The following NAV2 variants were observed in gnomAD, a reference collection of about 807,000 sequenced individuals.
The protein encoded by NAV2 is neuron navigator 2, also known as helicase, APC down-regulated 1.
In NAV2, 54 loss-of-function variants were observed where a neutral mutation model predicts 223.2. That is an observed-to-expected ratio of 0.24 (90% CI 0.19 to 0.30). The LOEUF (loss-of-function observed/expected upper bound fraction) is 0.30, where lower values mean the gene tolerates loss of function less well. NAV2 is among the 10% of genes least tolerant of loss of function. The pLI is 1.00. For synonymous variants in NAV2, 1,279 were observed against 1,239.3 expected (o/e 1.03, Z -0.67); for missense variants, 2,806 against 3,147.5 (o/e 0.89, Z 2.60).
intron 20 of NAV2, 99 bp downstream of exon 20, chr11:20,062,458 G>A (rs539902175): frequency 1.4e-5 from 13 of 902,586 alleles, no homozygotes; most frequent in Middle Eastern, 2.2e-4. Context: ...CCTAGGGAAA[G>A]CATTTCCATT....
At chr11:19,741,685 G>GTATATA (rs751946530) in intron 1 of NAV2, among the ~76,000 whole-genome samples, 2 of 131,852 alleles carry the variant, frequency 1.5e-5, no homozygotes, top group African/African-American at 6.3e-5. Flanking sequence ...ATGTGTGTGT[G>GTATATA]TGTATATATA....
At chr11:19,714,506 C>T (rs2050123666) in intron 1 of NAV2, 1 of 454,008 alleles carries the variant, frequency 2.2e-6, no homozygotes, top group Non-Finnish European at 4.4e-6. Context: ...CCCCATCCTG[C>T]GGGGTGACGG....
chr11:19,964,717 T>G (rs2048616282), intron 10 of NAV2, among the ~76,000 whole-genome samples: 1 of 151,444 alleles, frequency 6.6e-6, no homozygotes, highest in African/African-American at 2.4e-5. Context: ...TCCAGGCTGG[T>G]CTCAAACTCC....
intron 1 of NAV2, among the ~76,000 whole-genome samples, chr11:19,470,736 G>A (rs975799482): frequency 5.3e-5 from 8 of 152,184 alleles, no homozygotes; most frequent in African/African-American, 1.9e-4. Context: ...ATGGGGACTG[G>A]CAAAAGCAAT....
Position 19,832,733 on chromosome 11 carries a change from T to C in NAV2, c.385+132T>C. On this transcript the variant is annotated intron_variant, in intron 2 of 37. Transcript: ENST00000349880. ...TCTCATGTCTTGACAATTTATTTGA[T>C]TTGTGTTTTGACTAAGTTGTGTGAG... The C allele has an allele frequency of 4.0e-6, 3 of 747,342 alleles. No homozygotes were observed. In the East Asian group the frequency reaches 7.4e-5, roughly 18 times the overall value. The allele number at this position is 747,342 out of a possible 1,614,324, so 46.3% of individuals were successfully genotyped here.
At chr11:20,016,998 T>C (rs1204275578) in intron 11 of NAV2, among the ~76,000 whole-genome samples, 1 of 148,424 alleles carries the variant, frequency 6.7e-6, no homozygotes, top group African/African-American at 2.5e-5. Context: ...AGAGCAAGAC[T>C]CTGTCTCCAA....
At chr11:19,345,268 G>A in the NAV2 span, among the ~76,000 whole-genome samples, 1 of 152,254 alleles carries the variant, frequency 6.6e-6, no homozygotes, top group Admixed American at 6.5e-5. The surrounding 1 kb of genome is among the most constrained non-coding windows in gnomAD (Gnocchi z 5.2). Context: ...TGCAGTGCGA[G>A]ACCGGCTGGA....
intron 1 of NAV2, among the ~76,000 whole-genome samples, chr11:19,589,299 T>C (rs1205454980): frequency 2.0e-5 from 3 of 152,072 alleles, no homozygotes; most frequent in Non-Finnish European, 4.4e-5. Flanking sequence ...CAGAGGCAGA[T>C]TGTAGGAGCT....
chr11:19,360,182 T>G (rs1853851928), intron 1 of NAV2, among the ~76,000 whole-genome samples: 2 of 152,190 alleles, frequency 1.3e-5, no homozygotes, highest in Non-Finnish European at 2.9e-5. Context: ...GCCAGCCTGG[T>G]CTTAGCAAGA....
At chr11:19,785,646 G>A (rs1208472530) in intron 1 of NAV2, among the ~76,000 whole-genome samples, 1 of 129,152 alleles carries the variant, frequency 7.7e-6, no homozygotes, top group Admixed American at 7.4e-5. Flanking sequence ...GCGTCAGCTG[G>A]CTTTTTTTTT....
intron 3 of NAV2, among the ~76,000 whole-genome samples, chr11:19,844,436 C>T (rs1033782308): frequency 6.6e-6 from 1 of 152,192 alleles, no homozygotes. Flanking sequence ...TTAGAGTCTA[C>T]TTCCAAGCTT....
chr11:19,741,868 C>A (rs1023781179), intron 1 of NAV2, among the ~76,000 whole-genome samples: 6 of 151,796 alleles, frequency 4.0e-5, no homozygotes, highest in Admixed American at 6.6e-5. Flanking sequence ...GGGTATATAC[C>A]CAGAAGGGGG....
chr11:19,459,829 C>T (rs1388187972), intron 1 of NAV2, among the ~76,000 whole-genome samples: 1 of 152,154 alleles, frequency 6.6e-6, no homozygotes, highest in African/African-American at 2.4e-5. Context: ...TTGGGAGCCA[C>T]AGAATGTTTT....
rs1322751785 is a variant in NAV2, at chr11:19,537,716, A to G, written c.75+186689A>G. Among the ~76,000 whole-genome samples, 7 of 152,352 alleles carry G rather than the reference A, an allele frequency of 4.6e-5. No homozygotes were observed. The East Asian group carries it at 7.7e-4, about 17-fold the overall frequency. ...CTGGCTTTCCTTAGTTCTAGACACA[A>G]TCTCACAGGTATATCTGATCTAGTC... On this transcript the variant is annotated intron_variant, in intron 1 of 37. Coordinates refer to the NAV2 transcript ENST00000360655.
At chr11:20,004,960 G>T (rs946864178) in intron 11 of NAV2, among the ~76,000 whole-genome samples, 6 of 152,116 alleles carry the variant, frequency 3.9e-5, no homozygotes, top group Non-Finnish European at 7.3e-5. Context: ...AATGCAGATA[G>T]TAAGAAGTGC....
chr11:19,483,121 A>G (rs533615729), intron 1 of NAV2, among the ~76,000 whole-genome samples: 1 of 152,326 alleles, frequency 6.6e-6, no homozygotes, highest in Non-Finnish European at 1.5e-5. Context: ...GATCCTCAAA[A>G]CAATTTGTTG....
chr11:19,641,500 G>C (rs978777220), intron 1 of NAV2, among the ~76,000 whole-genome samples: 1 of 151,984 alleles, frequency 6.6e-6, no homozygotes, highest in African/African-American at 2.4e-5. Context: ...GAAACCCTTG[G>C]AAGAAGGGCA....
At chr11:19,443,333 A>G (rs1234791517) in intron 1 of NAV2, among the ~76,000 whole-genome samples, 3 of 152,230 alleles carry the variant, frequency 2.0e-5, no homozygotes, top group African/African-American at 4.8e-5. Flanking sequence ...ATGGTCTGCA[A>G]TGACGGAGAA....
At chr11:19,639,723 A>G (rs887375223) in intron 1 of NAV2, among the ~76,000 whole-genome samples, 1 of 152,206 alleles carries the variant, frequency 6.6e-6, no homozygotes, top group Non-Finnish European at 1.5e-5. Flanking sequence ...CAACGTCCTG[A>G]GTGTCTCACT....
Sources: allele counts gnomAD v4.1 joint callset (sites outside exome capture counted in the v4.1 genomes callset), GRCh38; gene constraint gnomAD v4.1.1; non-coding constraint Gnocchi (gnomAD v3.1); transcripts MANE v1.5; gene names NCBI Gene and HGNC (gene_info 2026-07-23, HGNC 2026-07-21).